Variants in PCNX2 observed in about 807,000 individuals in gnomAD.
PCNX2 encodes the protein pecanex 2.
In PCNX2, 168 loss-of-function variants were observed where a neutral mutation model predicts 223.8. That is an observed-to-expected ratio of 0.75 (90% confidence interval 0.66 to 0.85). The LOEUF (loss-of-function observed/expected upper bound fraction) is 0.85. Ranked by LOEUF, PCNX2 falls within the 40% of genes least tolerant of loss-of-function variation. The probability of loss-of-function intolerance (pLI) is 0.00; values close to 1 mark genes in which losing one functional copy is unlikely to be tolerated. For synonymous variants in PCNX2, 1,006 were observed against 1,052.6 expected (o/e 0.96, Z 0.86); for missense variants, 2,507 against 2,675.5 (o/e 0.94, Z 1.39).
At chr1:233,300,916 GC>G in the PCNX2 span, among the ~76,000 whole-genome samples, 2 of 152,174 alleles carry the variant, frequency 1.3e-5, no homozygotes, top group Non-Finnish European at 2.9e-5. Context: ...TAGTCCATGG[GC>G]CCCCATGAAC....
chr1:233,109,675 T>A (rs1400376690), intron 21 of PCNX2, among the ~76,000 whole-genome samples: 2 of 152,164 alleles, frequency 1.3e-5, no homozygotes, highest in African/African-American at 4.8e-5. Context: ...TTACTGAGTA[T>A]CCAAAACCTT....
At chr1:233,262,324 C>T (rs1660100742) in intron 2 of PCNX2, among the ~76,000 whole-genome samples, 159 bp from the exon 3 acceptor site, 1 of 152,086 alleles carries the variant, frequency 6.6e-6, no homozygotes, top group African/African-American at 2.4e-5. Context: ...CAGGGCTTCG[C>T]TCTGTCTGGG....
intron 21 of PCNX2, among the ~76,000 whole-genome samples, chr1:233,130,731 C>T (rs1676445517): frequency 6.6e-6 from 1 of 152,022 alleles, no homozygotes; most frequent in Non-Finnish European, 1.5e-5. Flanking sequence ...GATCCGCTTG[C>T]CTCGGCCTCC....
At chr1:233,232,393 T>G (rs554245739) in intron 9 of PCNX2, among the ~76,000 whole-genome samples, 2 of 152,344 alleles carry the variant, frequency 1.3e-5, no homozygotes, top group Non-Finnish European at 2.9e-5. Context: ...GGGTAAGCTA[T>G]GATATTCAGT....
intron 8 of PCNX2, chr1:233,241,261 G>T: frequency 1.0e-6 from 1 of 985,446 alleles, no homozygotes; most frequent in African/African-American, 1.7e-5. Flanking sequence ...CATGGGACCT[G>T]ACTGCCATCA....
chr1:233,287,225 G>C (rs1267557679), intron 1 of PCNX2, among the ~76,000 whole-genome samples: 1 of 152,148 alleles, frequency 6.6e-6, no homozygotes, highest in African/African-American at 2.4e-5. Flanking sequence ...ATCTCAAGTG[G>C]GAAACTAGAA....
At position 233,145,107 on chromosome 1, in the gene PCNX2, G is replaced by A. The variant is rs1384427694; in HGVS notation, c.3518-5252C>T. ...AGCCTCCCAAGTGGCTGGGACTACA[G>A]GCGCCTGCCACCACGCCCGGCTAAT... On this transcript the variant is annotated intron_variant, in intron 19 of 33. Coordinates refer to ENST00000258229, the MANE Select transcript of PCNX2 (RefSeq NM_014801.4). Among the ~76,000 whole-genome samples the A allele has an allele frequency of 2.6e-5, 4 of 151,634 alleles. No individual in the cohort carries two copies. In the East Asian group the frequency reaches 8.1e-4, roughly 31 times the overall value.
the PCNX2 span, among the ~76,000 whole-genome samples, chr1:233,321,401 G>C: frequency 7.2e-5 from 11 of 151,902 alleles, no homozygotes; most frequent in African/African-American, 2.4e-4. Flanking sequence ...AGGCTCAAGT[G>C]ATTCTGCTGC....
chr1:233,008,037 G>C (rs551017102), intron 28 of PCNX2, among the ~76,000 whole-genome samples: 1 of 152,136 alleles, frequency 6.6e-6, no homozygotes, highest in Admixed American at 6.5e-5. Flanking sequence ...TCCCTTTAAA[G>C]GCTTCAGTTG....
In PCNX2 at chr1:232,995,269, TA is replaced by T. The variant is rs371319835; in HGVS notation, c.5791+2981del. 2.2e-3 allele frequency among the ~76,000 whole-genome samples: 342 copies of T among 152,230 alleles called. 1 individual carries two copies. Among genetic ancestry groups the T allele is most frequent in the African/African-American group, 7.7e-3 (318 of 41,552 alleles). ...AAATCTCCCCAACCCTCCATCCCCC[TA>T]AGCAGGACAACAACTGGTCTCAGAG... is the stretch of plus-strand genomic sequence containing the variant. On this transcript the variant is annotated intron_variant, in intron 32 of 33. Coordinates refer to ENST00000258229, the MANE Select transcript of PCNX2 (RefSeq NM_014801.4).
intron 19 of PCNX2, among the ~76,000 whole-genome samples, chr1:233,145,660 A>C (rs1279419938): frequency 6.6e-6 from 1 of 152,164 alleles, no homozygotes; most frequent in Non-Finnish European, 1.5e-5. Context: ...GGAGGCTGCC[A>C]GGGGCAGGGC....
chr1:233,095,136 C>T (rs183844266), intron 22 of PCNX2, among the ~76,000 whole-genome samples: 1 of 152,280 alleles, frequency 6.6e-6, no homozygotes, highest in Non-Finnish European at 1.5e-5. Context: ...ACTTAGCTAT[C>T]AATGTCAAAG....
At chr1:233,045,500 T>C (rs1052788538) in intron 25 of PCNX2, among the ~76,000 whole-genome samples, 2 of 152,154 alleles carry the variant, frequency 1.3e-5, no homozygotes, top group Admixed American at 1.3e-4. Context: ...CCACTGAAAT[T>C]TGGGGCCTAA....
At position 232,986,161 on chromosome 1, in the gene PCNX2, G is replaced by A. The variant is rs1286976916; in HGVS notation, c.6171C>T (p.Asp2057=). 2 of 1,568,848 alleles carry A rather than the reference G, an allele frequency of 1.3e-6. No homozygotes were observed. The highest frequency in any genetic ancestry group is 2.7e-5 in the African/African-American group (2 of 74,094). The change falls in exon 33 of 34, where the codon GAC becomes GAT. Residue 2057 remains aspartate, a synonymous_variant. Coordinates refer to ENST00000258229, the MANE Select transcript of PCNX2 (RefSeq NM_014801.4). ...LSAAEGGNTS[D]TQSSSSVNIV... ...TGTTGACGCTGCTGGATGACTGGGT[G>A]TCACTGGTATTGCCCCCCTCCGCAG...
chr1:233,186,772 T>G (rs1680119810), intron 15 of PCNX2, among the ~76,000 whole-genome samples: 1 of 152,222 alleles, frequency 6.6e-6, no homozygotes, highest in Non-Finnish European at 1.5e-5. Flanking sequence ...ATCAAGACAG[T>G]ATTTCACTTT....
chr1:233,076,221 T>C (rs1673089925), intron 23 of PCNX2, among the ~76,000 whole-genome samples: 1 of 152,210 alleles, frequency 6.6e-6, no homozygotes, highest in South Asian at 2.1e-4. Flanking sequence ...TATTTGAGTG[T>C]TTTATTTAGA....
At chr1:233,279,701 T>G (rs1379369844) in intron 1 of PCNX2, among the ~76,000 whole-genome samples, 1 of 152,196 alleles carries the variant, frequency 6.6e-6, no homozygotes, top group African/African-American at 2.4e-5. Flanking sequence ...GATTTATTAT[T>G]TTCTTTACCC....
At position 233,084,485 on chromosome 1, in the gene PCNX2, T is replaced by C. The variant is rs1014382895; in HGVS notation, c.4076+5576A>G. 2.6e-5 allele frequency among the ~76,000 whole-genome samples: 4 copies of C among 152,368 alleles called. No homozygotes were observed. The South Asian group carries it at 8.3e-4, about 32-fold the overall frequency. On this transcript the variant is annotated intron_variant, in intron 23 of 33. Coordinates refer to ENST00000258229, the MANE Select transcript of PCNX2 (RefSeq NM_014801.4). ...ACCAATCTGGATAGAATTCTAGATA[T>C]GTAACCATCATGAAAGCTTTATTTC...
intron 15 of PCNX2, among the ~76,000 whole-genome samples, chr1:233,190,212 G>T (rs1179626056): frequency 6.7e-6 from 1 of 149,294 alleles, no homozygotes; most frequent in Non-Finnish European, 1.5e-5. Context: ...GAGATGAAAG[G>T]AAAAAAAAAT....
Sources: allele counts gnomAD v4.1 joint callset (sites outside exome capture counted in the v4.1 genomes callset), GRCh38; gene constraint gnomAD v4.1.1; transcripts MANE v1.5; gene names NCBI Gene and HGNC (gene_info 2026-07-23, HGNC 2026-07-21).